DLGAP2: variants seen among roughly 807,000 people sequenced by gnomAD.
DLGAP2 encodes the protein disks large-associated protein 2.
In DLGAP2, 26 loss-of-function variants were observed where a neutral mutation model predicts 100.3. The ratio of observed to expected loss-of-function variants is 0.26; its 90% CI spans 0.19 to 0.36. The LOEUF (loss-of-function observed/expected upper bound fraction) is 0.36. Among genes scored for constraint, DLGAP2 ranks in the 10% least tolerant of loss-of-function variants. The pLI, the probability that DLGAP2 is intolerant of heterozygous loss-of-function variation, is 1.00. For synonymous variants in DLGAP2, 886 were observed against 630.1 expected, an observed-to-expected ratio of 1.41 and a Z score of -6.08; for missense variants, 1,858 against 1,453.2, an observed-to-expected ratio of 1.28 and a Z score of -4.53.
intron 2 of DLGAP2, among the ~76,000 whole-genome samples, chr8:955,934 A>T (rs1173076125): frequency 5.3e-5 from 8 of 152,098 alleles, no homozygotes; most frequent in Non-Finnish European, 1.2e-4. Context: ...AGCAGCCCAG[A>T]CCGCCCAGAT....
At chr8:1,347,034 G>T (rs537133150) in intron 3 of DLGAP2, among the ~76,000 whole-genome samples, 11 of 152,078 alleles carry the variant, frequency 7.2e-5, no homozygotes, top group African/African-American at 2.7e-4. Flanking sequence ...GAGCTGCACT[G>T]CTCTCATGGT....
chr8:1,352,662 G>T (rs1156699734), intron 3 of DLGAP2, among the ~76,000 whole-genome samples: 1 of 152,152 alleles, frequency 6.6e-6, no homozygotes, highest in African/African-American at 2.4e-5. Context: ...ACCCTGACTG[G>T]GGCGTGGCTG....
chr8:796,223 A>G (rs938353443), intron 1 of DLGAP2, among the ~76,000 whole-genome samples: 1 of 152,146 alleles, frequency 6.6e-6, no homozygotes, highest in African/African-American at 2.4e-5. Context: ...GAGTTTAGCA[A>G]GCAGGTGAAT....
chr8:792,956 A>G (rs1444615533), intron 1 of DLGAP2, among the ~76,000 whole-genome samples: 1 of 152,180 alleles, frequency 6.6e-6, no homozygotes, highest in African/African-American at 2.4e-5. Flanking sequence ...TACCTTAACA[A>G]CAAGGAGTTG....
intron 1 of DLGAP2, among the ~76,000 whole-genome samples, chr8:860,208 G>C (rs1412724764): frequency 6.6e-6 from 1 of 152,180 alleles, no homozygotes; most frequent in Non-Finnish European, 1.5e-5. Context: ...CTTTCAGGTG[G>C]CCTTCGTTAT....
chr8:802,054 A>ATGGTCCG (rs1563039158), intron 1 of DLGAP2, among the ~76,000 whole-genome samples: 248 of 134,728 alleles, frequency 1.8e-3, no homozygotes, highest in African/African-American at 2.8e-3. Context: ...GGCCTGGGGA[A>ATGGTCCG]CAGTCTGCAC....
At chr8:1,335,948 G>T (rs1353567901) in intron 3 of DLGAP2, among the ~76,000 whole-genome samples, 1 of 152,126 alleles carries the variant, frequency 6.6e-6, no homozygotes, top group African/African-American at 2.4e-5. Context: ...GACGCGGGAG[G>T]CATCAGGGCC....
chr8:1,374,903 G>A (rs981217783), intron 3 of DLGAP2, among the ~76,000 whole-genome samples: 3 of 152,194 alleles, frequency 2.0e-5, no homozygotes, highest in Non-Finnish European at 4.4e-5. Context: ...TGTTTCACGA[G>A]TGGGATCCCA....
intron 2 of DLGAP2, among the ~76,000 whole-genome samples, chr8:1,159,203 A>C (rs1796845775): frequency 6.6e-6 from 1 of 152,236 alleles, no homozygotes; most frequent in Non-Finnish European, 1.5e-5. Flanking sequence ...AGTCAAAGCT[A>C]TTATAAATGT....
At chr8:850,421 G>GA (rs535082626) in intron 1 of DLGAP2, among the ~76,000 whole-genome samples, 11 of 151,702 alleles carry the variant, frequency 7.3e-5, no homozygotes, top group South Asian at 6.2e-4. Context: ...TGTATTTTAA[G>GA]AAAAAAAATC....
At chr8:982,883 A>ATTTTTTTTTTTTTTTTTTTT (rs35686773) in intron 2 of DLGAP2, among the ~76,000 whole-genome samples, 1 of 117,336 alleles carries the variant, frequency 8.5e-6, no homozygotes, top group Non-Finnish European at 1.7e-5. Context: ...TAAAGGTAGG[A>ATTTTTTTTTTTTTTTTTTTT]TTTTTTTTTT....
At chr8:738,017 T>A (rs1318752545) in intron 1 of DLGAP2, 192 bp downstream of exon 1, 3 of 309,744 alleles carry the variant, frequency 9.7e-6, no homozygotes, top group Non-Finnish European at 5.9e-6. Context: ...TGCTCGGGGG[T>A]CGCGCGTTGC....
intron 3 of DLGAP2, among the ~76,000 whole-genome samples, chr8:1,460,476 C>T (rs1307493033): frequency 6.6e-6 from 1 of 152,160 alleles, no homozygotes; most frequent in Non-Finnish European, 1.5e-5. Context: ...ATGAAGCCAG[C>T]AGAGCAGGGG....
intron 8 of DLGAP2, among the ~76,000 whole-genome samples, chr8:1,662,983 G>T (rs555603710): frequency 6.7e-6 from 1 of 150,030 alleles, no homozygotes; most frequent in African/African-American, 2.5e-5. Context: ...GACTGTGTGT[G>T]TACATGTGTG....
chr8:1,587,755 A>G (rs1481767786), intron 6 of DLGAP2, among the ~76,000 whole-genome samples: 2 of 152,180 alleles, frequency 1.3e-5, no homozygotes, highest in Non-Finnish European at 2.9e-5. Context: ...GTGTAAAATT[A>G]TTTAATAGTG....
At chr8:1,033,968 G>T (rs1467116584) in intron 2 of DLGAP2, among the ~76,000 whole-genome samples, 16 of 127,838 alleles carry the variant, frequency 1.3e-4, no homozygotes, top group African/African-American at 4.3e-4. Flanking sequence ...CCGACCCCGC[G>T]TGTCACCGTG....
At chr8:1,602,941 G>C (rs527729418) in intron 6 of DLGAP2, among the ~76,000 whole-genome samples, 2 of 152,376 alleles carry the variant, frequency 1.3e-5, no homozygotes, top group South Asian at 4.1e-4. Flanking sequence ...CAGAATGAGG[G>C]GGTCTGTAAG....
At chr8:1,566,218 G>A (rs993886951) in intron 6 of DLGAP2, among the ~76,000 whole-genome samples, 1 of 152,178 alleles carries the variant, frequency 6.6e-6, no homozygotes, top group African/African-American at 2.4e-5. Flanking sequence ...GTATGAATGT[G>A]TGCGTATGGG....
intron 8 of DLGAP2, among the ~76,000 whole-genome samples, chr8:1,662,792 G>C (rs530079956): frequency 6.6e-6 from 1 of 151,432 alleles, no homozygotes; most frequent in Non-Finnish European, 1.5e-5. Context: ...GTGTACACAC[G>C]TGTGAGTGTG....
Sources: allele counts gnomAD v4.1 joint callset (sites outside exome capture counted in the v4.1 genomes callset), GRCh38; gene constraint gnomAD v4.1.1; transcripts MANE v1.5; gene names NCBI Gene and HGNC (gene_info 2026-07-23, HGNC 2026-07-21).